Variants in PTGER3 observed in about 807,000 individuals in gnomAD.
PTGER3 encodes prostaglandin E receptor 3, also known as prostaglandin E2 receptor EP3 subtype.
A neutral mutation model predicts 34.7 loss-of-function variants in PTGER3; 22 were observed. The ratio of observed to expected loss-of-function variants is 0.63; its 90% CI spans 0.45 to 0.91. The LOEUF is 0.91. Ranked by LOEUF, PTGER3 falls within the 40% of genes least tolerant of loss-of-function variation. PTGER3 has a pLI of 0.00. For missense variants in PTGER3, 468 were observed against 519.4 expected (o/e 0.90, Z 0.96); for synonymous variants, 241 against 230.1 (o/e 1.05, Z -0.43).
chr1:70,928,133 T>TTATA (rs143548664), intron 4 of PTGER3, among the ~76,000 whole-genome samples: 2,469 of 145,492 alleles, frequency 0.017, 27 homozygotes, highest in African/African-American at 0.025. Flanking sequence ...ATATATATAT[T>TTATA]TATATATATA....
chr1:70,916,845 T>C (rs1339528658), intron 4 of PTGER3, among the ~76,000 whole-genome samples: 2 of 151,834 alleles, frequency 1.3e-5, no homozygotes, highest in Non-Finnish European at 2.9e-5. Context: ...AAGTTGAAAA[T>C]TTTTTTTAAA....
At chr1:71,040,676 A>G (rs1660238592) in intron 1 of PTGER3, among the ~76,000 whole-genome samples, 1 of 152,190 alleles carries the variant, frequency 6.6e-6, no homozygotes, top group Non-Finnish European at 1.5e-5. Flanking sequence ...AGCAATTATG[A>G]TAGTTCCTAG....
At chr1:70,862,424 T>C (rs756958936) in intron 4 of PTGER3, 2 of 1,323,186 alleles carry the variant, frequency 1.5e-6, no homozygotes, top group East Asian at 9.2e-5. Flanking sequence ...AATAGAAATA[T>C]TGTGCTGAAA....
At chr1:71,028,628 C>T (rs764945455) in intron 1 of PTGER3, among the ~76,000 whole-genome samples, 1 of 151,996 alleles carries the variant, frequency 6.6e-6, no homozygotes, top group Non-Finnish European at 1.5e-5. Flanking sequence ...ATTGTTATCC[C>T]CAGGGCACCT....
chr1:70,908,013 C>T lies in PTGER3; in HGVS notation c.*23+45750G>A, dbSNP rs1462671567. Among the ~76,000 whole-genome samples the T allele has an allele frequency of 2.0e-5, 3 of 152,140 alleles. No individual in the cohort carries two copies. In the East Asian group the frequency reaches 5.8e-4, roughly 29 times the overall value. ...GCAGGTTCACTGTTGATTCTCTGAC[C>T]ATATTGTCTCTCCCTTCAGTTCATG... On this transcript the variant is annotated intron_variant, in intron 4 of 4. Transcript: ENST00000370931.
intron 4 of PTGER3, among the ~76,000 whole-genome samples, chr1:70,898,432 G>A (rs965196522): frequency 1.3e-5 from 2 of 152,070 alleles, no homozygotes; most frequent in Non-Finnish European, 1.5e-5. Flanking sequence ...GTTAATTCCT[G>A]CTCCTCTAAG....
rs754390726 is a variant in PTGER3, at chr1:71,009,489, G to C, written c.1077+2816C>G. 2,975 of 982,530 alleles carry C rather than the reference G, an allele frequency of 3.0e-3. 3 individuals carry two copies. The highest frequency in any genetic ancestry group is 3.4e-3 in the Non-Finnish European group (2,831 of 827,372). The allele number at this position is 982,530 out of a possible 1,614,324, so 60.9% of individuals were successfully genotyped here. A position where few individuals can be genotyped will look rare whatever the true frequency, so the allele number is the denominator to read the frequency against. ...TTCTTCAACTTCAAGATATTTTTAA[G>C]ACATTCATCATACCTATTTTATTTG... On this transcript the variant is annotated intron_variant, in intron 2 of 3. Coordinates refer to ENST00000306666, the MANE Select transcript of PTGER3 (RefSeq NM_198719.2).
intron 4 of PTGER3, among the ~76,000 whole-genome samples, chr1:70,937,565 T>C (rs1441859644): frequency 1.3e-5 from 2 of 152,148 alleles, no homozygotes; most frequent in Admixed American, 1.3e-4. Flanking sequence ...GTGAAGAAGA[T>C]CCTGAGAATT....
intron 4 of PTGER3, among the ~76,000 whole-genome samples, chr1:70,886,501 A>G (rs1285926050): frequency 6.6e-6 from 1 of 152,212 alleles, no homozygotes; most frequent in East Asian, 1.9e-4. Flanking sequence ...ACTATCTCCC[A>G]GATACCACAA....
chr1:70,917,500 A>C (rs1431547556), intron 4 of PTGER3, among the ~76,000 whole-genome samples: 3 of 150,572 alleles, frequency 2.0e-5, no homozygotes, highest in African/African-American at 7.3e-5. Context: ...GCTATTGTGA[A>C]TAGCACTGCA....
intron 4 of PTGER3, among the ~76,000 whole-genome samples, chr1:70,880,702 A>AG (rs1160487074): frequency 6.6e-6 from 1 of 151,658 alleles, no homozygotes; most frequent in East Asian, 1.9e-4. Flanking sequence ...AAAAAAGAAA[A>AG]AAAAAAAAAA....
chr1:70,916,107 C>G (rs1241490680), intron 4 of PTGER3, among the ~76,000 whole-genome samples: 1 of 151,888 alleles, frequency 6.6e-6, no homozygotes, highest in Non-Finnish European at 1.5e-5. Flanking sequence ...AGAAGACATA[C>G]AAGCAACGAA....
chr1:71,009,649 A>G (rs937199990), intron 2 of PTGER3: 3 of 985,080 alleles, frequency 3.0e-6, no homozygotes, highest in Non-Finnish European at 3.6e-6. Flanking sequence ...ATATTTCTAC[A>G]TTTCATTCGC....
chr1:71,011,966 A>G, intron 2 of PTGER3: 1 of 1,314,804 alleles, frequency 7.6e-7, no homozygotes, highest in Non-Finnish European at 9.7e-7. Flanking sequence ...CACATAATTA[A>G]TCACATATTC....
chr1:70,891,154 C>A (rs4650093), intron 4 of PTGER3, among the ~76,000 whole-genome samples: 5 of 152,094 alleles, frequency 3.3e-5, no homozygotes, highest in African/African-American at 1.2e-4. Context: ...AAACTCACCC[C>A]ATTCTGTGTC....
At chr1:70,999,340 G>A (rs893378539) in intron 2 of PTGER3, among the ~76,000 whole-genome samples, 3 of 152,164 alleles carry the variant, frequency 2.0e-5, no homozygotes, top group Non-Finnish European at 4.4e-5. Context: ...TAATCAGTCT[G>A]ATCAGTTCTG....
intron 4 of PTGER3, among the ~76,000 whole-genome samples, chr1:70,898,701 A>G (rs1044118618): frequency 6.6e-6 from 1 of 152,158 alleles, no homozygotes; most frequent in African/African-American, 2.4e-5. Flanking sequence ...CCTCTGTGAA[A>G]TGAGGGTAAT....
In PTGER3 at chr1:70,981,326, TC is replaced by T. The variant is rs1397651336; in HGVS notation, c.1078-6939del. On this transcript the variant is annotated intron_variant, in intron 2 of 3. Transcript: ENST00000306666. ...TTCCTTCCTTCCTTCCTTTCTTCTT[TC>T]TTTCTTTCTTTCTTTCTTTCTTTCT... Among the ~76,000 whole-genome samples the T allele has an allele frequency of 1.2e-4, 6 of 51,460 alleles. No homozygotes were observed. In the East Asian group the frequency reaches 4.1e-3, roughly 35 times the overall value. 33.8% of individuals were successfully genotyped at this position (51,460 alleles called of 152,430 possible). A position where few individuals can be genotyped will look rare whatever the true frequency, so the allele number is the denominator to read the frequency against.
downstream of PTGER3, among the ~76,000 whole-genome samples, chr1:70,949,849 T>C (rs893096491): frequency 1.3e-5 from 2 of 152,052 alleles, no homozygotes; most frequent in Non-Finnish European, 2.9e-5. Flanking sequence ...TGTAAGGCAG[T>C]GGATAGTGGA....
Sources: allele counts gnomAD v4.1 joint callset (sites outside exome capture counted in the v4.1 genomes callset), GRCh38; gene constraint gnomAD v4.1.1; transcripts MANE v1.5; gene names NCBI Gene and HGNC (gene_info 2026-07-23, HGNC 2026-07-21).